Variants in CPNE5 observed in about 807,000 individuals in gnomAD.
The protein encoded by CPNE5 is copine 5.
Under a neutral mutation model 81.1 loss-of-function variants are expected in CPNE5, and 42 were observed. The observed-to-expected ratio is 0.52, with a 90% confidence interval of 0.40 to 0.67. The LOEUF (loss-of-function observed/expected upper bound fraction) is 0.67, where lower values mean the gene tolerates loss of function less well. Among genes scored for constraint, CPNE5 ranks in the 30% least tolerant of loss-of-function variants. The pLI is 0.00. For synonymous variants in CPNE5, 313 were observed against 321.5 expected, an observed-to-expected ratio of 0.97 and a Z score of 0.28; for missense variants, 612 against 815.5, an observed-to-expected ratio of 0.75 and a Z score of 3.04.
intron 3 of CPNE5, among the ~76,000 whole-genome samples, chr6:36,820,106 C>T (rs1332483567): frequency 1.3e-5 from 2 of 152,186 alleles, no homozygotes; most frequent in Non-Finnish European, 2.9e-5. Context: ...CCCTCTTCTC[C>T]AAGAGAGAGG....
chr6:36,766,867 C>T lies in CPNE5; in HGVS notation c.738-1491G>A, dbSNP rs112902251. 0.017 allele frequency among the ~76,000 whole-genome samples: 2,546 copies of T among 152,180 alleles called. 63 individuals are homozygous for T. The highest frequency in any genetic ancestry group is 0.054 in the African/African-American group (2,256 of 41,510). ...TGATAGGTTTTTGTTTGTTTGTTTG[C>T]TTGTTTGAGATGGAGTCTTGCTCTG... On this transcript the variant is annotated intron_variant, in intron 10 of 20. Transcript: ENST00000244751. The surrounding 1 kb of genome is among the most constrained non-coding windows in gnomAD (Gnocchi z 4.2).
At chr6:36,804,767 A>G (rs9296197) in intron 3 of CPNE5, among the ~76,000 whole-genome samples, 18,543 of 151,764 alleles carry the variant, frequency 0.12, 1,216 homozygotes, top group East Asian at 0.26. Flanking sequence ...AATACCCTAG[A>G]GATTGATTCT....
rs539056954 is a variant in CPNE5, at chr6:36,803,648, A to C, written c.184-3578T>G. 4.6e-5 allele frequency among the ~76,000 whole-genome samples: 7 copies of C among 152,290 alleles called. No individual in the cohort carries two copies. The South Asian group carries it at 1.2e-3, about 27-fold the overall frequency. ...TAAATTCATTTCAACATTCCTGATC[A>C]CCTATATGTGTGTGTTGTTTGAATT... On this transcript the variant is annotated intron_variant, in intron 3 of 20. Coordinates refer to ENST00000244751, the MANE Select transcript of CPNE5 (RefSeq NM_020939.2).
intron 14 of CPNE5, among the ~76,000 whole-genome samples, chr6:36,750,634 C>T (rs1403025228): frequency 6.6e-6 from 1 of 152,218 alleles, no homozygotes; most frequent in Non-Finnish European, 1.5e-5. Flanking sequence ...CAGCAGTTGA[C>T]CTACCATACT....
At chr6:36,788,136 C>T (rs753123094) in intron 8 of CPNE5, among the ~76,000 whole-genome samples, 5 of 151,448 alleles carry the variant, frequency 3.3e-5, no homozygotes, top group Non-Finnish European at 7.4e-5. Context: ...GCTCAAGTGA[C>T]CCTCCTACCC....
intron 3 of CPNE5, among the ~76,000 whole-genome samples, chr6:36,811,202 GCCTGAGCAGTCCCCAC>G (rs903983547): frequency 1.3e-5 from 2 of 152,104 alleles, no homozygotes; most frequent in Non-Finnish European, 2.9e-5. Context: ...AGGGTGGGGG[GCCTGAGCAGTCCCCAC>G]CCTAAAGGAA....
intron 1 of CPNE5, among the ~76,000 whole-genome samples, chr6:36,835,049 C>A (rs971650336): frequency 1.3e-5 from 2 of 152,200 alleles, no homozygotes; most frequent in African/African-American, 4.8e-5. Context: ...AGCTGCCCAC[C>A]AGCCCCATAC....
At chr6:36,805,451 C>T (rs1033900670) in intron 3 of CPNE5, among the ~76,000 whole-genome samples, 4 of 152,230 alleles carry the variant, frequency 2.6e-5, no homozygotes, top group African/African-American at 9.6e-5. Context: ...TGCTCACAGA[C>T]CACCAAACAC....
At chr6:36,827,809 C>T (rs1001265078) in intron 1 of CPNE5, 3 of 936,014 alleles carry the variant, frequency 3.2e-6, no homozygotes, top group African/African-American at 3.6e-5. Context: ...ACCACAAGTA[C>T]TTTTTCTCCA....
intron 3 of CPNE5, among the ~76,000 whole-genome samples, chr6:36,810,397 C>T (rs1770997930): frequency 6.6e-6 from 1 of 152,238 alleles, no homozygotes; most frequent in South Asian, 2.1e-4. Context: ...ATTCTAAAAG[C>T]CTCGCTGCAG....
intron 10 of CPNE5, among the ~76,000 whole-genome samples, chr6:36,771,901 C>T (rs746940455): frequency 9.9e-5 from 15 of 152,142 alleles, no homozygotes; most frequent in Non-Finnish European, 1.6e-4. Context: ...ATTAACACTA[C>T]TGTCAGTCAC....
At chr6:36,758,951 G>A (rs186776057) in intron 12 of CPNE5, among the ~76,000 whole-genome samples, 149 of 152,304 alleles carry the variant, frequency 9.8e-4, no homozygotes, top group African/African-American at 3.6e-3. Flanking sequence ...CACATTCATG[G>A]GAAAACAGCT....
chr6:36,810,909 T>C (rs1771043532), intron 3 of CPNE5, among the ~76,000 whole-genome samples: 1 of 152,214 alleles, frequency 6.6e-6, no homozygotes, highest in Admixed American at 6.5e-5. Flanking sequence ...GCCCAGGCTC[T>C]AAAGGCCTCC....
chr6:36,751,659 G>A lies in CPNE5; in HGVS notation c.971+1375C>T, dbSNP rs187142833. Among the ~76,000 whole-genome samples the A allele has an allele frequency of 7.2e-4, 109 of 152,192 alleles. 1 individual carries two copies. The highest frequency in any genetic ancestry group is 2.3e-3 in the African/African-American group (97 of 41,530). ...ACAAAAATTAGCTGGGGGTGGTGGC[G>A]CATGCCTGTAGCCCCAGCTACTCTA... On this transcript the variant is annotated intron_variant, in intron 14 of 20. Transcript: ENST00000244751.
At chr6:36,811,488 C>T (rs1771098916) in intron 3 of CPNE5, among the ~76,000 whole-genome samples, 2 of 152,168 alleles carry the variant, frequency 1.3e-5, no homozygotes, top group African/African-American at 4.8e-5. Context: ...GGCCAAGATC[C>T]CCCACCTGGG....
At chr6:36,832,253 C>G (rs1773039829) in intron 1 of CPNE5, among the ~76,000 whole-genome samples, 1 of 152,094 alleles carries the variant, frequency 6.6e-6, no homozygotes, top group African/African-American at 2.4e-5. Context: ...TCCAAATGGC[C>G]CCATAGATGC....
intron 12 of CPNE5, among the ~76,000 whole-genome samples, chr6:36,760,664 C>T (rs1765935118): frequency 6.6e-6 from 1 of 152,140 alleles, no homozygotes; most frequent in Non-Finnish European, 1.5e-5. Flanking sequence ...GTGCCCTGAG[C>T]CCCCATGATG....
chr6:36,827,028 G>A (rs1367980348), intron 1 of CPNE5, among the ~76,000 whole-genome samples: 1 of 152,122 alleles, frequency 6.6e-6, no homozygotes, highest in African/African-American at 2.4e-5. Context: ...CTCTCCCGGT[G>A]GATGCTCAGG....
At chr6:36,821,385 G>C (rs536387979) in intron 3 of CPNE5, among the ~76,000 whole-genome samples, 3 of 152,280 alleles carry the variant, frequency 2.0e-5, no homozygotes, top group Non-Finnish European at 4.4e-5. Flanking sequence ...GAGCAGAAAA[G>C]AGACAGAATT....
Sources: allele counts gnomAD v4.1 joint callset (sites outside exome capture counted in the v4.1 genomes callset), GRCh38; gene constraint gnomAD v4.1.1; non-coding constraint Gnocchi (gnomAD v3.1); transcripts MANE v1.5; gene names NCBI Gene and HGNC (gene_info 2026-07-23, HGNC 2026-07-21).